The following OTOF variants were observed in gnomAD, a reference collection of about 807,000 sequenced individuals.
OTOF encodes the protein fer-1-like family member 2.
A neutral mutation model predicts 236.8 loss-of-function variants in OTOF; 218 were observed. The observed-to-expected ratio is 0.92, with a 90% CI of 0.82 to 1.03. The LOEUF (loss-of-function observed/expected upper bound fraction) is 1.03. OTOF is among the 50% of genes least tolerant of loss of function. The pLI, the probability that OTOF is intolerant of heterozygous loss-of-function variation, is 0.00. For missense variants in OTOF, 2,590 were observed against 2,694.4 expected (o/e 0.96, Z 0.86); for synonymous variants, 1,041 against 1,072.5 (o/e 0.97, Z 0.57).
chr2:26,556,306 G>C (rs1013987756), intron 1 of OTOF, among the ~76,000 whole-genome samples: 1 of 152,196 alleles, frequency 6.6e-6, no homozygotes, highest in Non-Finnish European at 1.5e-5. Flanking sequence ...ATTGTAGAGC[G>C]GGTCCATTCC....
intron 30 of OTOF, among the ~76,000 whole-genome samples, chr2:26,471,975 C>T (rs1171303993): frequency 2.0e-5 from 3 of 151,906 alleles, no homozygotes; most frequent in Non-Finnish European, 4.4e-5. Context: ...TATGCATTTA[C>T]ACACCACATG....
chr2:26,497,139 G>C (rs1351313097), intron 8 of OTOF, among the ~76,000 whole-genome samples: 2 of 123,464 alleles, frequency 1.6e-5, no homozygotes, highest in African/African-American at 5.6e-5. Flanking sequence ...GTCTCACTCT[G>C]TTGCCCCGGC....
Position 26,457,857 on chromosome 2 carries a change from G to A in OTOF, c.*381C>T, listed in dbSNP as rs1208662364. 1.6e-6 allele frequency: 1 copy of A among 638,550 alleles called. No homozygotes were observed. The highest frequency in any genetic ancestry group is 2.7e-6 in the Non-Finnish European group (1 of 368,320). 39.6% of individuals were successfully genotyped at this position (638,550 alleles called of 1,614,324 possible). A position where few individuals can be genotyped will look rare whatever the true frequency, so the allele number is the denominator to read the frequency against. Reference sequence around the variant, plus strand: ...AGGCAGGGGTCAGAGGGGCGGGACTGGGCAAGCCGCAGCCTGGGGCAGTGA... The same window carrying A: ...AGGCAGGGGTCAGAGGGGCGGGACTAGGCAAGCCGCAGCCTGGGGCAGTGA... On this transcript the variant is annotated 3_prime_UTR_variant, in exon 47 of 47. Coordinates refer to ENST00000272371, the MANE Select transcript of OTOF (RefSeq NM_194248.3). The surrounding 1 kb of genome is among the most constrained non-coding windows in gnomAD (Gnocchi z 4.4).
Position 26,467,412 on chromosome 2 carries a change from C to T in OTOF, c.4180G>A (p.Gly1394Arg). Residue 1394 changes from glycine (G) to arginine (R), a missense_variant, in exon 34 of 47, where the codon GGG becomes AGG. This residue lies in a region of OTOF where 1,211 missense variants were observed against 1,352.8 expected (regional missense o/e 0.90). Coordinates refer to ENST00000272371, the MANE Select transcript of OTOF (RefSeq NM_194248.3). The stretch of plus-strand genomic sequence containing the variant: ...TTCTTCTTCTCGGGGGCCTCGGACC[C>T]CTGGCCAGAGCCAGAGCTCTGAGTT... The part of the protein sequence containing the change: ...KKTQSSGSGQ[G>R]SEAPEKKKPK... 2 of 1,614,026 alleles carry T rather than the reference C, an allele frequency of 1.2e-6. No individual in the cohort carries two copies. Among genetic ancestry groups the T allele is most frequent in the Non-Finnish European group, 1.7e-6 (2 of 1,180,018 alleles).
intron 32 of OTOF, among the ~76,000 whole-genome samples, chr2:26,468,965 T>C (rs943504935): frequency 1.3e-5 from 2 of 152,206 alleles, no homozygotes; most frequent in Middle Eastern, 6.8e-3. Context: ...GACGAGTTAA[T>C]GGGTGTAGCA....
Position 26,477,426 on chromosome 2 carries a change from A to T in OTOF, c.2396T>A (p.Met799Lys). 1 of 1,589,748 alleles carries T rather than the reference A, an allele frequency of 6.3e-7. No homozygotes were observed. Among genetic ancestry groups the T allele is most frequent in the Non-Finnish European group, 8.6e-7 (1 of 1,168,550 alleles). ...CAGTTGCGTCCTCACCAGCTCCCTC[A>T]TGCAGGACTTGAGGCGCTCCCGGTC... ...RLDRERLKSC[M>K]RELENMGQQA... Residue 799 changes from methionine to lysine, a missense_variant, in exon 20 of 47, where the codon ATG becomes AAG. Coordinates refer to ENST00000272371, the MANE Select transcript of OTOF (RefSeq NM_194248.3). The surrounding 1 kb of genome is among the most constrained non-coding windows in gnomAD (Gnocchi z 4.7).
chr2:26,491,794 G>A (rs369297137), intron 9 of OTOF, among the ~76,000 whole-genome samples: 2 of 152,250 alleles, frequency 1.3e-5, no homozygotes, highest in East Asian at 3.8e-4. Flanking sequence ...GGCCAGGCAG[G>A]GTGATCAGGC....
chr2:26,492,736 A>G (rs988593443), intron 9 of OTOF, among the ~76,000 whole-genome samples: 9 of 152,206 alleles, frequency 5.9e-5, no homozygotes, highest in Non-Finnish European at 1.0e-4. Context: ...AGCAGGACAG[A>G]GACACGGAGG....
rs192346116 is a variant in OTOF at position 26,542,989 on chromosome 2, C to T, written c.80-5215G>A. ...TGCTGGTGACTCAGACCTGGGGCTG[C>T]TATTTCCTTGTGTTATTTAAAATCA... is the stretch of plus-strand genomic sequence containing the variant. On this transcript the variant is annotated intron_variant, in intron 1 of 46. Transcript: ENST00000272371. Among the ~76,000 whole-genome samples the T allele has an allele frequency of 5.3e-5, 8 of 152,316 alleles. No individual in the cohort carries two copies. The East Asian group carries it at 1.5e-3, about 29-fold the overall frequency.
intron 25 of OTOF, 52 bp from the exon 26 acceptor site, chr2:26,474,726 T>G (rs1224746013): frequency 6.3e-7 from 1 of 1,598,928 alleles, no homozygotes; most frequent in Admixed American, 1.7e-5. Flanking sequence ...TCCACACCTG[T>G]GATCTCGTTT....
chr2:26,529,197 C>A (rs1209117738), intron 2 of OTOF, among the ~76,000 whole-genome samples: 1 of 152,182 alleles, frequency 6.6e-6, no homozygotes, highest in Admixed American at 6.5e-5. Flanking sequence ...CCCTTCTGGA[C>A]AGGACCAGAC....
At position 26,472,917 on chromosome 2, in the gene OTOF, G is replaced by GC. The variant is rs201627800; in HGVS notation, c.3733+214dup. On this transcript the variant is annotated intron_variant, in intron 29 of 46. Transcript: ENST00000272371. ...AGCGCAAGGGGCTTTCTGCCCTCAG[G>GC]CCCCCCCAGGCTGTCTCCAGTTCTG... Among the ~76,000 whole-genome samples, 632 of 152,218 alleles carry GC rather than the reference G, an allele frequency of 4.2e-3. 6 individuals are homozygous for GC. The highest frequency in any genetic ancestry group is 0.013 in the African/African-American group (547 of 41,520).
intron 9 of OTOF, among the ~76,000 whole-genome samples, chr2:26,491,221 A>G (rs1665833569): frequency 6.6e-6 from 1 of 152,172 alleles, no homozygotes; most frequent in African/African-American, 2.4e-5. Flanking sequence ...GGAGGATGAC[A>G]TGGACATTAT....
Position 26,465,116 on chromosome 2 carries a change from T to C in OTOF, c.4800-87A>G. The C allele has an allele frequency of 3.2e-6, 4 of 1,239,170 alleles. No individual in the cohort carries two copies. In the South Asian group the frequency reaches 7.7e-5, roughly 24 times the overall value. The allele number at this position is 1,239,170 out of a possible 1,614,324, so 76.8% of individuals were successfully genotyped here. ...GCTGGTCGTGGCCAGTTCTCTAAAG[T>C]TGGCTGTTGCCCTCATCAGCAAGTG... On this transcript the variant is annotated intron_variant, in intron 38 of 46. Transcript: ENST00000272371.
chr2:26,463,333 CT>C lies in OTOF; in HGVS notation c.5192+149del, dbSNP rs145419759. 3.4e-5 allele frequency: 25 copies of C among 726,632 alleles called. No individual in the cohort carries two copies. The African/African-American group carries it at 3.5e-4, about 10-fold the overall frequency. The allele number at this position is 726,632 out of a possible 1,614,324, so 45.0% of individuals were successfully genotyped here. On this transcript the variant is annotated intron_variant, in intron 41 of 46. Coordinates refer to ENST00000272371, the MANE Select transcript of OTOF (RefSeq NM_194248.3). ...ATCGATTGGTTGGTCAGTTTCTCCCCTATAAGGCCCAGTGGCCACACCCAGG... is the reference window on the plus strand; with the variant it reads ...ATCGATTGGTTGGTCAGTTTCTCCCCATAAGGCCCAGTGGCCACACCCAGG...
rs188269276 is a variant in OTOF at position 26,551,705 on chromosome 2, C to A, written c.79+6788G>T. Reference sequence around the variant, plus strand: ...GAACGAGTGGATAAATGATTAAATACCTGATTTACAAAACACATTAAAATG... The same window carrying A: ...GAACGAGTGGATAAATGATTAAATAACTGATTTACAAAACACATTAAAATG... On this transcript the variant is annotated intron_variant, in intron 1 of 46. Transcript: ENST00000272371. Among the ~76,000 whole-genome samples the A allele has an allele frequency of 3.9e-3, 587 of 152,226 alleles. 2 individuals carry two copies. Among genetic ancestry groups the A allele is most frequent in the Middle Eastern group, 6.8e-3 (2 of 294 alleles).
At chr2:26,502,628 T>C (rs926147455) in intron 6 of OTOF, among the ~76,000 whole-genome samples, 1 of 152,232 alleles carries the variant, frequency 6.6e-6, no homozygotes, top group Admixed American at 6.5e-5. Context: ...TTATGTCTGG[T>C]CTTGCCTTTT....
At chr2:26,508,530 AC>A (rs1478420835) in intron 5 of OTOF, among the ~76,000 whole-genome samples, 1 of 152,088 alleles carries the variant, frequency 6.6e-6, no homozygotes, top group African/African-American at 2.4e-5. Context: ...ACTTGTCCTG[AC>A]CCCAGGATTG....
chr2:26,533,415 G>GGTCTCTGT (rs1371355128), intron 2 of OTOF, among the ~76,000 whole-genome samples: 1 of 152,042 alleles, frequency 6.6e-6, no homozygotes, highest in Non-Finnish European at 1.5e-5. Context: ...ACAAAGGCTG[G>GGTCTCTGT]GTCTCTGTGT....
Sources: gnomAD v4.1 joint callset for allele counts (sites outside exome capture counted in the v4.1 genomes callset) on GRCh38, gnomAD v4.1.1 for gene constraint, gnomAD v4.1.1 regional missense constraint, Gnocchi (gnomAD v3.1) non-coding constraint, MANE v1.5 for transcripts, NCBI Gene and HGNC (gene_info 2026-07-23, HGNC 2026-07-21) for gene names.